FBH1: variants seen among roughly 807,000 people sequenced by gnomAD.
FBH1 encodes the protein F-box DNA helicase 1.
In FBH1, 43 loss-of-function variants were observed where a neutral mutation model predicts 115.5. That is an observed-to-expected ratio of 0.37 (90% CI 0.29 to 0.48). The LOEUF (loss-of-function observed/expected upper bound fraction) is 0.48. FBH1 is among the 20% of genes least tolerant of loss of function. FBH1 has a pLI of 0.99. For synonymous variants in FBH1, 524 were observed against 507.8 expected (o/e 1.03, Z -0.43); for missense variants, 1,001 against 1,337.3 (o/e 0.75, Z 3.92).
rs779284688 is a variant in FBH1, at chr10:5,925,562, A to G, written c.2722+70A>G. ...GTGGTGACTGGAATGCTTCCTTTGCACGGCCTTGTTGTTTGTTGGATGGTG... is the reference window on the plus strand; with the variant it reads ...GTGGTGACTGGAATGCTTCCTTTGCGCGGCCTTGTTGTTTGTTGGATGGTG... On this transcript the variant is annotated intron_variant, in intron 18 of 20. Coordinates refer to ENST00000362091, the MANE Select transcript of FBH1 (RefSeq NM_178150.3). This position sits in a 1 kb window ranked among gnomAD's most constrained non-coding sequence, Gnocchi z 4.6. 2.1e-4 allele frequency: 331 copies of G among 1,593,340 alleles called. No homozygotes were observed. Among genetic ancestry groups the G allele is most frequent in the Non-Finnish European group, 1.8e-4 (212 of 1,169,846 alleles).
intron 19 of FBH1, among the ~76,000 whole-genome samples, chr10:5,927,936 G>C (rs539875574): frequency 1.3e-5 from 2 of 151,956 alleles, no homozygotes; most frequent in African/African-American, 4.8e-5. Context: ...GCCAGGTGTG[G>C]TGGCATGCAT....
rs754046443 is a variant in FBH1 at position 5,917,857 on chromosome 10, A to G, written c.1963+181A>G. ...CCTCACCCAAGCAGATTTCTCTGTC[A>G]CCATAGGTTTTGCTTAGGTTGTTCT... On this transcript the variant is annotated intron_variant, in intron 12 of 20. Coordinates refer to ENST00000362091, the MANE Select transcript of FBH1 (RefSeq NM_178150.3). This position sits in a 1 kb window ranked among gnomAD's most constrained non-coding sequence, Gnocchi z 5.6. Among the ~76,000 whole-genome samples the G allele has an allele frequency of 7.2e-5, 11 of 152,186 alleles. No homozygotes were observed. The highest frequency in any genetic ancestry group is 1.3e-4 in the Non-Finnish European group (9 of 68,036).
intron 19 of FBH1, 134 bp downstream of exon 19, chr10:5,927,675 G>A: frequency 1.6e-6 from 1 of 641,094 alleles, no homozygotes; most frequent in Non-Finnish European, 2.7e-6. Flanking sequence ...GCTTGAACGT[G>A]CAAAGGCCGA....
rs1213976521 is a variant in FBH1 at position 5,910,573 on chromosome 10, C to G, written c.1021-365C>G. Among the ~76,000 whole-genome samples the G allele has an allele frequency of 2.0e-5, 3 of 152,184 alleles. No homozygotes were observed. Among genetic ancestry groups the G allele is most frequent in the Non-Finnish European group, 4.4e-5 (3 of 68,030 alleles). Reference sequence around the variant, plus strand: ...GGCGCCCCTTGCTGGCTGTTTTGCTCTGGCCCTGCCAAGCACATATGGACC... The same window carrying G: ...GGCGCCCCTTGCTGGCTGTTTTGCTGTGGCCCTGCCAAGCACATATGGACC... On this transcript the variant is annotated intron_variant, in intron 5 of 20. Coordinates refer to ENST00000362091, the MANE Select transcript of FBH1 (RefSeq NM_178150.3). This position sits in a 1 kb window ranked among gnomAD's most constrained non-coding sequence, Gnocchi z 4.8.
In FBH1 at chr10:5,927,476, G is replaced by A; in HGVS notation, c.2764G>A (p.Val922Ile). 6.2e-7 allele frequency: 1 copy of A among 1,613,674 alleles called. No homozygotes were observed. The highest frequency in any genetic ancestry group is 2.2e-5 in the East Asian group (1 of 44,876). Residue 922 changes from valine to isoleucine, a missense_variant, in exon 19 of 21, where the codon GTA (valine) becomes ATA (isoleucine). By Grantham distance (29) the Val-to-Ile change is conservative. Around this residue, in one of 4 missense-constraint regions of FBH1, gnomAD observed 521 missense variants for 811.0 expected, o/e 0.64. Transcript: ENST00000362091. ...EDEWNLLYVA[V>I]TRAKKRLIMT... is the part of the protein sequence containing the mutation. ...TGAATGGAATTTACTGTATGTTGCA[G>A]TAACTCGAGCCAAGAAGCGTCTCAT...
At chr10:5,927,888 A>G (rs1832745587) in intron 19 of FBH1, among the ~76,000 whole-genome samples, 1 of 151,934 alleles carries the variant, frequency 6.6e-6, no homozygotes, top group Non-Finnish European at 1.5e-5. Context: ...CCTGGCCAAC[A>G]TGGTGAAAAC....
In FBH1 at chr10:5,903,768, A is replaced by C. The variant is rs74462771; in HGVS notation, c.157+593A>C. On this transcript the variant is annotated intron_variant, in intron 2 of 20. Transcript: ENST00000362091. ...AGTGTCACTCTTATTCCAATCCAGA[A>C]ACACTGAGATTAGTTGACTCTTCAT... Among the ~76,000 whole-genome samples the C allele has an allele frequency of 3.0e-3, 453 of 152,332 alleles. 3 individuals are homozygous for C. Among genetic ancestry groups the C allele is most frequent in the African/African-American group, 0.01 (428 of 41,582 alleles).
rs1831796385 is a variant in FBH1, at chr10:5,914,379, AATAATTCAATAACAG to A, written c.1396+113_1396+127del. On this transcript the variant is annotated intron_variant, in intron 8 of 20. Transcript: ENST00000362091. The surrounding 1 kb of genome is among the most constrained non-coding windows in gnomAD (Gnocchi z 5.2). ...CTTTGCTCTGATCTGTCATCCAACTAATAATTCAATAACAGATCAAATAATCAATCTCAAAAGCAA... is the reference window on the plus strand; with the variant it reads ...CTTTGCTCTGATCTGTCATCCAACTAATCAAATAATCAATCTCAAAAGCAA... 1.2e-6 allele frequency: 1 copy of A among 866,596 alleles called. No homozygotes were observed. The highest frequency in any genetic ancestry group is 1.9e-6 in the Non-Finnish European group (1 of 526,916). 53.7% of individuals were successfully genotyped at this position (866,596 alleles called of 1,614,324 possible).
At chr10:5,896,739 A>C (rs2131841362) in intron 1 of FBH1, among the ~76,000 whole-genome samples, 1 of 152,242 alleles carries the variant, frequency 6.6e-6, no homozygotes, top group African/African-American at 2.4e-5. Flanking sequence ...CCCCTAGTTT[A>C]GACACAGCTT....
At chr10:5,903,908 C>A (rs1423219320) in intron 2 of FBH1, among the ~76,000 whole-genome samples, 1 of 152,198 alleles carries the variant, frequency 6.6e-6, no homozygotes, top group Non-Finnish European at 1.5e-5. Flanking sequence ...AGTAACCTTG[C>A]TCCTTGACTT....
At position 5,910,391 on chromosome 10, in the gene FBH1, T is replaced by G. The variant is rs993759467; in HGVS notation, c.1021-547T>G. Among the ~76,000 whole-genome samples the G allele has an allele frequency of 6.6e-6, 1 of 152,230 alleles. No individual in the cohort carries two copies. ...CATGCTGTCTTCACAAAATAAACTT[T>G]CCATAATTTCATATTTATTTAACTT... On this transcript the variant is annotated intron_variant, in intron 5 of 20. Transcript: ENST00000362091. This position sits in a 1 kb window ranked among gnomAD's most constrained non-coding sequence, Gnocchi z 4.8.
intron 1 of FBH1, chr10:5,893,912 A>AT: frequency 1.2e-6 from 1 of 850,894 alleles, no homozygotes; most frequent in Non-Finnish European, 1.4e-6. Context: ...AATATATAAA[A>AT]TTATATTCTA....
rs1832970492 is a variant in FBH1, at chr10:5,931,519, T to C, written c.2829+3978T>C. 6.6e-6 allele frequency among the ~76,000 whole-genome samples: 1 copy of C among 152,248 alleles called. No homozygotes were observed. Among genetic ancestry groups the C allele is most frequent in the Non-Finnish European group, 1.5e-5 (1 of 68,046 alleles). ...CACACTTGAATCTTTTCTCATACAC[T>C]GAAATCTTGGTTCCTAATAGTATTT... is the stretch of plus-strand genomic sequence containing the variant. On this transcript the variant is annotated intron_variant, in intron 19 of 20. Coordinates refer to ENST00000362091, the MANE Select transcript of FBH1 (RefSeq NM_178150.3). This position sits in a 1 kb window ranked among gnomAD's most constrained non-coding sequence, Gnocchi z 4.3.
chr10:5,898,434 A>G (rs1843137356), intron 1 of FBH1, among the ~76,000 whole-genome samples: 1 of 151,214 alleles, frequency 6.6e-6, no homozygotes, highest in Admixed American at 6.6e-5. Context: ...CTTTTGAGAC[A>G]CAATCTCTCT....
chr10:5,893,627 A>G (rs893564136), intron 1 of FBH1, among the ~76,000 whole-genome samples: 3 of 152,196 alleles, frequency 2.0e-5, no homozygotes, highest in African/African-American at 7.2e-5. Flanking sequence ...GCCTTTTTCA[A>G]CTTGCCTAAC....
Position 5,914,058 on chromosome 10 carries a change from A to T in FBH1, c.1305-120A>T. On this transcript the variant is annotated intron_variant, in intron 7 of 20. Transcript: ENST00000362091. The surrounding 1 kb of genome is among the most constrained non-coding windows in gnomAD (Gnocchi z 5.2). ...AGAACATGTTTATTCTCGTAAGGGG[A>T]GGCCTTTTTTTTGGTCAGCTTTTGT... is the stretch of plus-strand genomic sequence containing the variant. 3 of 941,714 alleles carry T rather than the reference A, an allele frequency of 3.2e-6. No homozygotes were observed. The highest frequency in any genetic ancestry group is 3.3e-6 in the Non-Finnish European group (2 of 605,710). The allele number at this position is 941,714 out of a possible 1,614,324, so 58.3% of individuals were successfully genotyped here. A position where few individuals can be genotyped will look rare whatever the true frequency, so the allele number is the denominator to read the frequency against.
intron 1 of FBH1, among the ~76,000 whole-genome samples, 197 bp from the exon 2 acceptor site, chr10:5,902,823 C>T (rs1301340265): frequency 2.0e-5 from 3 of 150,840 alleles, no homozygotes; most frequent in Non-Finnish European, 4.4e-5. Context: ...ACTTAGGATT[C>T]TTCAATTCTA....
chr10:5,914,336 C>G lies in FBH1; in HGVS notation c.1396+67C>G. On this transcript the variant is annotated intron_variant, in intron 8 of 20. Transcript: ENST00000362091. This position sits in a 1 kb window ranked among gnomAD's most constrained non-coding sequence, Gnocchi z 5.2. The stretch of plus-strand genomic sequence containing the variant: ...GCCTTTTCTCCCTACATCCCCTTCC[C>G]GCTACCTGCCAGGGCATCTTTGCTC... 1 of 1,299,624 alleles carries G rather than the reference C, an allele frequency of 7.7e-7. No homozygotes were observed. The highest frequency in any genetic ancestry group is 1.1e-6 in the Non-Finnish European group (1 of 894,240). 80.5% of individuals were successfully genotyped at this position (1,299,624 alleles called of 1,614,324 possible).
intron 1 of FBH1, among the ~76,000 whole-genome samples, chr10:5,898,284 G>A (rs61832956): frequency 0.083 from 12,609 of 152,214 alleles, 560 homozygotes; most frequent in Middle Eastern, 0.12. Context: ...GTTCATAGAC[G>A]GCACCTTCTC....
Sources: gnomAD v4.1 joint callset for allele counts (sites outside exome capture counted in the v4.1 genomes callset) on GRCh38, gnomAD v4.1.1 for gene constraint, gnomAD v4.1.1 regional missense constraint, Gnocchi (gnomAD v3.1) non-coding constraint, MANE v1.5 for transcripts, NCBI Gene and HGNC (gene_info 2026-07-23, HGNC 2026-07-21) for gene names.